ESRRG: variants seen among roughly 807,000 people sequenced by gnomAD.
The protein encoded by ESRRG is estrogen related receptor gamma, also known as estrogen-related receptor gamma.
A neutral mutation model predicts 44.0 loss-of-function variants in ESRRG; 13 were observed. The ratio of observed to expected loss-of-function variants is 0.30; its 90% confidence interval spans 0.19 to 0.47. ESRRG has a LOEUF of 0.47. Ranked by LOEUF, ESRRG falls within the 20% of genes least tolerant of loss-of-function variation. ESRRG has a pLI of 1.00. For synonymous variants in ESRRG, 215 were observed against 214.6 expected (o/e 1.00, Z -0.02); for missense variants, 395 against 580.6 (o/e 0.68, Z 3.29).
chr1:216,958,487 C>A (rs1306494639), intron 1 of ESRRG, among the ~76,000 whole-genome samples: 2 of 145,754 alleles, frequency 1.4e-5, no homozygotes, highest in South Asian at 4.6e-4. Context: ...AATGGGTATA[C>A]AATGGCATCT....
chr1:216,606,333 A>G (rs1320892483), intron 3 of ESRRG, among the ~76,000 whole-genome samples: 1 of 152,232 alleles, frequency 6.6e-6, no homozygotes, highest in Non-Finnish European at 1.5e-5. Context: ...ACGTGGTAGT[A>G]AACGCCAGAG....
chr1:216,915,988 G>A (rs1459919614), intron 2 of ESRRG, among the ~76,000 whole-genome samples: 4 of 152,068 alleles, frequency 2.6e-5, no homozygotes, highest in African/African-American at 7.2e-5. Flanking sequence ...CCTTTATATC[G>A]TACTTTTAAG....
chr1:217,056,302 C>T (rs1488863214), intron 1 of ESRRG, among the ~76,000 whole-genome samples: 12 of 152,236 alleles, frequency 7.9e-5, no homozygotes, highest in Non-Finnish European at 1.5e-5. Context: ...GGCCAATACA[C>T]TCAACCAGAT....
At chr1:216,916,046 G>T (rs1019109268) in intron 2 of ESRRG, among the ~76,000 whole-genome samples, 5 of 152,090 alleles carry the variant, frequency 3.3e-5, no homozygotes, top group African/African-American at 1.2e-4. Flanking sequence ...GTGTGTGTGT[G>T]TACATGTGCC....
At chr1:217,117,629 T>C (rs2092748375) in intron 1 of ESRRG, among the ~76,000 whole-genome samples, 1 of 152,016 alleles carries the variant, frequency 6.6e-6, no homozygotes, top group Non-Finnish European at 1.5e-5. Flanking sequence ...ATTTAAAAAT[T>C]AGATGACATC....
intron 1 of ESRRG, among the ~76,000 whole-genome samples, chr1:216,698,135 G>A (rs2080569124): frequency 6.6e-6 from 1 of 152,096 alleles, no homozygotes; most frequent in African/African-American, 2.4e-5. Context: ...GAATTATTGA[G>A]GGAAAACGGG....
At chr1:216,796,738 T>C (rs1310426441) in intron 2 of ESRRG, among the ~76,000 whole-genome samples, 2 of 152,048 alleles carry the variant, frequency 1.3e-5, no homozygotes, top group Non-Finnish European at 2.9e-5. Context: ...GTTCTGATTT[T>C]ACCACCAGCC....
intron 1 of ESRRG, among the ~76,000 whole-genome samples, chr1:216,702,520 T>C (rs1282655521): frequency 6.7e-6 from 1 of 150,210 alleles, no homozygotes; most frequent in Non-Finnish European, 1.5e-5. Context: ...CCCTGCACTT[T>C]GGGAGGCCGA....
intron 1 of ESRRG, among the ~76,000 whole-genome samples, chr1:216,686,401 C>T (rs1011317844): frequency 2.4e-5 from 3 of 126,198 alleles, no homozygotes; most frequent in Non-Finnish European, 4.7e-5. Flanking sequence ...ATGGAAATGA[C>T]TAAGGATTTA....
At chr1:216,765,246 A>G (rs923610069) in intron 2 of ESRRG, among the ~76,000 whole-genome samples, 1 of 152,076 alleles carries the variant, frequency 6.6e-6, no homozygotes, top group Non-Finnish European at 1.5e-5. Flanking sequence ...AAAACATCAC[A>G]AATAAAACAG....
chr1:217,042,422 C>G (rs2084017265), intron 1 of ESRRG, among the ~76,000 whole-genome samples: 2 of 151,484 alleles, frequency 1.3e-5, no homozygotes, highest in Admixed American at 6.6e-5. Context: ...GCTTGAAGCA[C>G]TCACCTAGGA....
At chr1:217,095,520 A>G (rs751468141) in intron 1 of ESRRG, among the ~76,000 whole-genome samples, 3 of 152,174 alleles carry the variant, frequency 2.0e-5, no homozygotes, top group Admixed American at 1.3e-4. Flanking sequence ...CTGAGGCCGG[A>G]CCTTGGCAGT....
chr1:216,552,006 C>G (rs1467969875), intron 5 of ESRRG, among the ~76,000 whole-genome samples: 2 of 152,080 alleles, frequency 1.3e-5, no homozygotes, highest in East Asian at 1.9e-4. Flanking sequence ...TGAACCATAT[C>G]TATAAATTAA....
At chr1:216,732,104 A>G (rs2152127305) in intron 2 of ESRRG, among the ~76,000 whole-genome samples, 1 of 142,976 alleles carries the variant, frequency 7.0e-6, no homozygotes, top group Non-Finnish European at 1.5e-5. Flanking sequence ...AAAAGAAAAT[A>G]AAAAATAAAA....
At chr1:217,039,425 C>T (rs1429233560) in intron 1 of ESRRG, among the ~76,000 whole-genome samples, 1 of 152,152 alleles carries the variant, frequency 6.6e-6, no homozygotes, top group Non-Finnish European at 1.5e-5. Context: ...AGTGTGGAGG[C>T]CTCACAATCA....
At chr1:216,929,408 T>A (rs559793130) in intron 2 of ESRRG, among the ~76,000 whole-genome samples, 1 of 152,170 alleles carries the variant, frequency 6.6e-6, no homozygotes, top group East Asian at 1.9e-4. Context: ...AGGCAATACA[T>A]CTCCCATCAA....
At chr1:216,785,935 T>A (rs1208633570) in intron 2 of ESRRG, among the ~76,000 whole-genome samples, 2 of 152,146 alleles carry the variant, frequency 1.3e-5, no homozygotes, top group Non-Finnish European at 1.5e-5. Flanking sequence ...TTTTGCATGT[T>A]TTGCTGCATG....
chr1:216,749,591 G>A (rs779238873), intron 2 of ESRRG, among the ~76,000 whole-genome samples: 41 of 152,152 alleles, frequency 2.7e-4, no homozygotes, highest in Non-Finnish European at 5.3e-4. Context: ...AATTCCAAAT[G>A]ATTTGCTTGA....
chr1:217,112,110 G>A (rs937893970), intron 1 of ESRRG, among the ~76,000 whole-genome samples: 1 of 152,088 alleles, frequency 6.6e-6, no homozygotes, highest in Admixed American at 6.6e-5. Flanking sequence ...GTATAGCCCT[G>A]CACCTGCCTG....
Sources: gnomAD v4.1 joint callset for allele counts (sites outside exome capture counted in the v4.1 genomes callset) on GRCh38, gnomAD v4.1.1 for gene constraint, MANE v1.5 for transcripts, NCBI Gene and HGNC (gene_info 2026-07-23, HGNC 2026-07-21) for gene names.